The following SLC27A6 variants were observed in gnomAD, a reference collection of about 807,000 sequenced individuals.
SLC27A6 encodes the protein long-chain fatty acid transport protein 6.
A neutral mutation model predicts 63.9 loss-of-function variants in SLC27A6; 74 were observed. The ratio of observed to expected loss-of-function variants is 1.16; its 90% CI spans 0.96 to 1.40. SLC27A6 has a LOEUF of 1.40. Among genes scored for constraint, SLC27A6 ranks in the 40% most tolerant of loss-of-function variants. The pLI, the probability that SLC27A6 is intolerant of heterozygous loss-of-function variation, is 0.00. For missense variants in SLC27A6, 794 were observed against 732.9 expected, an observed-to-expected ratio of 1.08 and a Z score of -0.96; for synonymous variants, 287 against 260.8, an observed-to-expected ratio of 1.10 and a Z score of -0.97.
chr5:128,966,361 A>G lies in SLC27A6; in HGVS notation c.224A>G (p.Tyr75Cys). The change falls in exon 1 of 10, where the codon TAT (tyrosine) becomes TGT (cysteine). Residue 75 changes from tyrosine to cysteine, a missense_variant. By Grantham distance (194) the Tyr-to-Cys change is radical. Transcript: ENST00000262462. Reference sequence around the variant, plus strand: ...CAACCTCGGAAACCTTTCATCATCTATGAGGGAGACATCTACACCTATCAG... The same window carrying G: ...CAACCTCGGAAACCTTTCATCATCTGTGAGGGAGACATCTACACCTATCAG... The part of the protein sequence containing the change: ...KRQPRKPFII[Y>C]EGDIYTYQDV... 6.2e-7 allele frequency: 1 copy of G among 1,613,366 alleles called. No individual in the cohort carries two copies. Among genetic ancestry groups the G allele is most frequent in the Non-Finnish European group, 8.5e-7 (1 of 1,179,784 alleles).
At chr5:128,969,106 C>G (rs1316510386) in intron 1 of SLC27A6, among the ~76,000 whole-genome samples, 1 of 152,094 alleles carries the variant, frequency 6.6e-6, no homozygotes, top group African/African-American at 2.4e-5. Context: ...GGGCTCTGTT[C>G]TGCTCCGTTG....
chr5:128,971,066 T>C (rs1750138951), intron 1 of SLC27A6, among the ~76,000 whole-genome samples: 1 of 152,194 alleles, frequency 6.6e-6, no homozygotes, highest in South Asian at 2.1e-4. Flanking sequence ...AGTTGTGCGG[T>C]TTTGAGTGAG....
intron 4 of SLC27A6, among the ~76,000 whole-genome samples, 190 bp from the exon 5 acceptor site, chr5:129,015,695 T>C (rs1188529189): frequency 6.6e-6 from 1 of 152,188 alleles, no homozygotes; most frequent in African/African-American, 2.4e-5. Flanking sequence ...ACAAACTGTA[T>C]TATTCTTGAC....
chr5:128,975,784 T>G (rs1750355689), intron 1 of SLC27A6, among the ~76,000 whole-genome samples: 1 of 152,196 alleles, frequency 6.6e-6, no homozygotes, highest in Non-Finnish European at 1.5e-5. Flanking sequence ...ATATCCTTTC[T>G]TTACATTATT....
intron 1 of SLC27A6, among the ~76,000 whole-genome samples, chr5:128,976,191 A>G (rs1039003031): frequency 3.9e-4 from 59 of 152,296 alleles, no homozygotes; most frequent in African/African-American, 1.4e-3. Flanking sequence ...TATTTTATCT[A>G]TCGGCATACA....
chr5:128,998,777 A>C (rs1270645122), intron 4 of SLC27A6, among the ~76,000 whole-genome samples: 1 of 152,194 alleles, frequency 6.6e-6, no homozygotes, highest in South Asian at 2.1e-4. Flanking sequence ...CTTCCTTGCT[A>C]TGAACACATA....
At chr5:128,981,001 A>G (rs189954499) in intron 1 of SLC27A6, among the ~76,000 whole-genome samples, 63 of 152,354 alleles carry the variant, frequency 4.1e-4, no homozygotes, top group Admixed American at 1.8e-3. Flanking sequence ...ACAAGAAATC[A>G]ATTTGTAAAA....
At chr5:128,995,557 A>G (rs1751129842) in intron 4 of SLC27A6, among the ~76,000 whole-genome samples, 1 of 152,168 alleles carries the variant, frequency 6.6e-6, no homozygotes, top group South Asian at 2.1e-4. Flanking sequence ...TGCTAATTAG[A>G]TTTGGTGGTC....
At chr5:128,976,786 C>T (rs1442096533) in intron 1 of SLC27A6, among the ~76,000 whole-genome samples, 5 of 152,154 alleles carry the variant, frequency 3.3e-5, no homozygotes, top group Non-Finnish European at 7.4e-5. Context: ...GAAGAGAAAT[C>T]TGAAATGCTT....
At chr5:129,017,232 T>C (rs1050924291) in intron 5 of SLC27A6, among the ~76,000 whole-genome samples, 4 of 152,170 alleles carry the variant, frequency 2.6e-5, no homozygotes, top group African/African-American at 9.7e-5. Context: ...TGAATATATA[T>C]AAATTATGCT....
intron 5 of SLC27A6, among the ~76,000 whole-genome samples, chr5:129,018,143 C>A (rs1013127755): frequency 6.6e-6 from 1 of 151,990 alleles, no homozygotes; most frequent in Admixed American, 6.5e-5. Context: ...TCCAGAGCAC[C>A]CTACTCAAGC....
chr5:128,978,467 A>G (rs535796963), intron 1 of SLC27A6, among the ~76,000 whole-genome samples: 1 of 152,250 alleles, frequency 6.6e-6, no homozygotes, highest in African/African-American at 2.4e-5. Flanking sequence ...GGCAACCATT[A>G]TTTTTGTTAG....
intron 4 of SLC27A6, among the ~76,000 whole-genome samples, chr5:128,994,968 T>A (rs1751107333): frequency 6.6e-6 from 1 of 152,204 alleles, no homozygotes; most frequent in African/African-American, 2.4e-5. Flanking sequence ...GGCAGCAGCA[T>A]TGTTTTCAGA....
At chr5:128,982,156 T>G (rs942118913) in intron 1 of SLC27A6, among the ~76,000 whole-genome samples, 11 of 152,156 alleles carry the variant, frequency 7.2e-5, no homozygotes, top group Non-Finnish European at 1.6e-4. Context: ...ATAATGATTC[T>G]TTATCCCCTG....
chr5:128,983,296 T>TTTC (rs1034720311), intron 1 of SLC27A6, among the ~76,000 whole-genome samples: 1 of 148,316 alleles, frequency 6.7e-6, no homozygotes, highest in African/African-American at 2.5e-5. Context: ...CGGGTTTTTT[T>TTTC]TTTTTTTTTT....
chr5:129,015,802 C>G (rs1425078465), intron 4 of SLC27A6, 83 bp from the exon 5 acceptor site: 3 of 982,200 alleles, frequency 3.1e-6, no homozygotes, highest in Non-Finnish European at 4.6e-6. Context: ...CAGTTTACGT[C>G]TATGATATTT....
At chr5:129,022,336 C>T (rs1752103175) in intron 5 of SLC27A6, among the ~76,000 whole-genome samples, 1 of 151,998 alleles carries the variant, frequency 6.6e-6, no homozygotes, top group Admixed American at 6.6e-5. Context: ...ATAGTTGGTG[C>T]CCAATCAATA....
rs1487210254 is a variant in SLC27A6 at position 129,033,104 on chromosome 5, A to G, written c.1684-2A>G. 6.2e-7 allele frequency: 1 copy of G among 1,601,644 alleles called. No homozygotes were observed. The highest frequency in any genetic ancestry group is 8.5e-7 in the Non-Finnish European group (1 of 1,173,628). On this transcript the variant is annotated splice_acceptor_variant, in intron 9 of 9. Coordinates refer to ENST00000262462, the MANE Select transcript of SLC27A6 (RefSeq NM_001017372.3). LOFTEE classifies it high-confidence loss of function. ...CTACTCATCCTGGTAATTGCTTTAC[A>G]GGAAAAAATGGAAGCAACAGGAACA... is the stretch of plus-strand genomic sequence containing the variant.
chr5:128,979,807 C>G (rs188306112), intron 1 of SLC27A6, among the ~76,000 whole-genome samples: 1 of 152,280 alleles, frequency 6.6e-6, no homozygotes, highest in South Asian at 2.1e-4. Context: ...AACACATAAA[C>G]CCACTTAGAA....
Sources: allele counts gnomAD v4.1 joint callset (sites outside exome capture counted in the v4.1 genomes callset), GRCh38; gene constraint gnomAD v4.1.1; transcripts MANE v1.5; gene names NCBI Gene and HGNC (gene_info 2026-07-23, HGNC 2026-07-21).